The following USP34 variants were observed in gnomAD, a reference collection of about 807,000 sequenced individuals.
The protein encoded by USP34 is ubiquitin specific peptidase 34, also known as ubiquitin carboxyl-terminal hydrolase 34.
Under a neutral mutation model 460.3 loss-of-function variants are expected in USP34, and 70 were observed. The observed-to-expected ratio is 0.15, with a 90% confidence interval of 0.13 to 0.19. The LOEUF (loss-of-function observed/expected upper bound fraction) is 0.19. Ranked by LOEUF, USP34 falls within the 10% of genes least tolerant of loss-of-function variation. The pLI, the probability that USP34 is intolerant of heterozygous loss-of-function variation, is 1.00. For missense variants in USP34, 3,985 were observed against 4,236.2 expected, an observed-to-expected ratio of 0.94 and a Z score of 1.65; for synonymous variants, 1,647 against 1,405.3, an observed-to-expected ratio of 1.17 and a Z score of -3.85.
chr2:61,450,927 A>G (rs919860183), intron 1 of USP34, among the ~76,000 whole-genome samples: 4 of 151,854 alleles, frequency 2.6e-5, no homozygotes, highest in African/African-American at 7.3e-5. Context: ...ATCTTAACAA[A>G]TGAGTAACTT....
chr2:61,442,336 A>G (rs1278285893), intron 1 of USP34, among the ~76,000 whole-genome samples: 1 of 151,904 alleles, frequency 6.6e-6, no homozygotes, highest in African/African-American at 2.4e-5. Context: ...AATGAGACAA[A>G]CTATACGCAA....
In USP34 at chr2:61,470,707, C is replaced by T. The variant is rs763301744; in HGVS notation, c.-15G>A. ...TTCTCGCACATCGTTCGGCCGCCGC[C>T]CCCCCCCTCCCCCGCTTCGGATCAC... On this transcript the variant is annotated 5_prime_UTR_variant, in exon 1 of 80. Transcript: ENST00000398571. 6.3e-6 allele frequency: 10 copies of T among 1,585,516 alleles called. No homozygotes were observed. The Admixed American group carries it at 6.9e-5, about 11-fold the overall frequency.
At chr2:61,417,366 T>G (rs1694226472) in intron 2 of USP34, 1 of 578,604 alleles carries the variant, frequency 1.7e-6, no homozygotes, top group Admixed American at 2.6e-5. Flanking sequence ...TCAGTCAGCT[T>G]AATTGGCTGC....
At chr2:61,375,768 C>CAAAAAAAAAAAAAAAAAAAAAAAAAAAAA (rs56304309) in intron 8 of USP34, among the ~76,000 whole-genome samples, 2 of 80,886 alleles carry the variant, frequency 2.5e-5, no homozygotes, top group Admixed American at 3.1e-4. Flanking sequence ...GACTCTGTCT[C>CAAAAAAAAAAAAAAAAAAAAAAAAAAAAA]AAAAAAAAAA....
At chr2:61,346,666 A>G (rs942488970) in intron 15 of USP34, among the ~76,000 whole-genome samples, 7 of 134,056 alleles carry the variant, frequency 5.2e-5, no homozygotes, top group African/African-American at 1.9e-4. Flanking sequence ...CCTACTAAAA[A>G]TACAAAAATT....
At chr2:61,224,812 G>A (rs997487218) in intron 62 of USP34, among the ~76,000 whole-genome samples, 2 of 152,188 alleles carry the variant, frequency 1.3e-5, no homozygotes, top group Non-Finnish European at 2.9e-5. Flanking sequence ...GATGCTCAAA[G>A]CTGTTCAATC....
At chr2:61,360,982 A>G (rs1316116410) in intron 10 of USP34, among the ~76,000 whole-genome samples, 1 of 152,226 alleles carries the variant, frequency 6.6e-6, no homozygotes, top group African/African-American at 2.4e-5. Context: ...ATTCCTTACA[A>G]AAATAGAAAA....
chr2:61,280,741 T>C (rs2103955888), intron 38 of USP34, among the ~76,000 whole-genome samples: 1 of 152,206 alleles, frequency 6.6e-6, no homozygotes, highest in South Asian at 2.1e-4. Flanking sequence ...CTGAATATCA[T>C]AAAGATAAAA....
intron 6 of USP34, among the ~76,000 whole-genome samples, chr2:61,381,728 T>C (rs1219443679): frequency 2.6e-5 from 4 of 152,178 alleles, no homozygotes; most frequent in African/African-American, 9.7e-5. Context: ...TCACCTCTAC[T>C]CTTTTCCTGT....
Position 61,470,715 on chromosome 2 carries a change from T to G in USP34, c.-23A>C, listed in dbSNP as rs546626981. 2 of 1,512,864 alleles carry G rather than the reference T, an allele frequency of 1.3e-6. No individual in the cohort carries two copies. Among genetic ancestry groups the G allele is most frequent in the Non-Finnish European group, 1.8e-6 (2 of 1,113,970 alleles). 93.7% of individuals were successfully genotyped at this position (1,512,864 alleles called of 1,614,324 possible). ...CATCGTTCGGCCGCCGCCCCCCCCC[T>G]CCCCCGCTTCGGATCACACTGACTG... is the stretch of plus-strand genomic sequence containing the variant. On this transcript the variant is annotated 5_prime_UTR_variant, in exon 1 of 80. Transcript: ENST00000398571.
chr2:61,314,993 G>A lies in USP34; in HGVS notation c.3283-19C>T, dbSNP rs201078286. ...CACACAGCTAAGAAAGAAAAATATG[G>A]TATCTCTAAATTTTGTTTGTCAAAC... On this transcript the variant is annotated intron_variant, in intron 23 of 79. Coordinates refer to ENST00000398571, the MANE Select transcript of USP34 (RefSeq NM_014709.4). The A allele has an allele frequency of 1.8e-5, 29 of 1,591,232 alleles. No homozygotes were observed. Among genetic ancestry groups the A allele is most frequent in the Non-Finnish European group, 2.5e-5 (29 of 1,169,280 alleles).
intron 25 of USP34, among the ~76,000 whole-genome samples, chr2:61,312,144 A>G (rs1029273773): frequency 6.6e-6 from 1 of 150,786 alleles, no homozygotes; most frequent in African/African-American, 2.4e-5. Flanking sequence ...ATTACTGAGG[A>G]AAAAAAAAAT....
intron 10 of USP34, among the ~76,000 whole-genome samples, chr2:61,353,164 G>A (rs1287461227): frequency 2.6e-5 from 4 of 152,180 alleles, no homozygotes; most frequent in African/African-American, 9.7e-5. Context: ...TAAGGACCAC[G>A]TCCCTGAACA....
At chr2:61,407,331 T>C (rs1693905004) in intron 2 of USP34, among the ~76,000 whole-genome samples, 1 of 152,170 alleles carries the variant, frequency 6.6e-6, no homozygotes, top group African/African-American at 2.4e-5. Flanking sequence ...ACCCTGATCA[T>C]GCCTGAGTGA....
intron 48 of USP34, among the ~76,000 whole-genome samples, chr2:61,249,305 G>A (rs1047747369): frequency 6.6e-6 from 1 of 152,170 alleles, no homozygotes; most frequent in African/African-American, 2.4e-5. Flanking sequence ...ACAATACTGC[G>A]AAGGTAACCA....
intron 27 of USP34, among the ~76,000 whole-genome samples, chr2:61,301,966 G>A (rs576323280): frequency 6.3e-4 from 96 of 151,226 alleles, no homozygotes; most frequent in African/African-American, 2.3e-3. Context: ...GGGAAGGAAA[G>A]GAAAAAGGAA....
chr2:61,267,440 G>A (rs1040514424), intron 41 of USP34, among the ~76,000 whole-genome samples: 3 of 151,730 alleles, frequency 2.0e-5, no homozygotes, highest in East Asian at 3.9e-4. Flanking sequence ...AAGTGGTTAG[G>A]AGATTTTTTT....
At chr2:61,352,123 G>T (rs28529420) in intron 10 of USP34, among the ~76,000 whole-genome samples, 97 of 152,140 alleles carry the variant, frequency 6.4e-4, no homozygotes, top group African/African-American at 2.1e-3. Flanking sequence ...AATCTTAAAT[G>T]TTCCAATGAG....
chr2:61,406,160 AAT>A, intron 2 of USP34, 32 bp from the exon 3 acceptor site: 1 of 1,458,438 alleles, frequency 6.9e-7, no homozygotes, highest in African/African-American at 1.4e-5. Flanking sequence ...ATAAATTAGT[AAT>A]AAAGCAGCAG....
Sources: allele counts gnomAD v4.1 joint callset (sites outside exome capture counted in the v4.1 genomes callset), GRCh38; gene constraint gnomAD v4.1.1; transcripts MANE v1.5; gene names NCBI Gene and HGNC (gene_info 2026-07-23, HGNC 2026-07-21).